Variants in CDH12 observed in about 807,000 individuals in gnomAD.
CDH12 encodes cadherin-12.
Under a neutral mutation model 74.1 loss-of-function variants are expected in CDH12, and 41 were observed. The observed-to-expected ratio is 0.55, with a 90% CI of 0.43 to 0.72. The LOEUF is 0.72. Among genes scored for constraint, CDH12 ranks in the 30% least tolerant of loss-of-function variants. The pLI is 0.00. For missense variants in CDH12, 945 were observed against 977.2 expected, an observed-to-expected ratio of 0.97 and a Z score of 0.44; for synonymous variants, 399 against 355.0, an observed-to-expected ratio of 1.12 and a Z score of -1.39.
intron 3 of CDH12, among the ~76,000 whole-genome samples, chr5:22,292,007 C>A (rs1387309465): frequency 6.6e-6 from 1 of 152,036 alleles, no homozygotes; most frequent in Non-Finnish European, 1.5e-5. Flanking sequence ...TAAAAAGAGA[C>A]TCAAAAACTA....
At chr5:22,031,928 C>T (rs961452055) in intron 5 of CDH12, among the ~76,000 whole-genome samples, 1 of 151,822 alleles carries the variant, frequency 6.6e-6, no homozygotes, top group Non-Finnish European at 1.5e-5. Flanking sequence ...GTGACACAAA[C>T]ACACAAAGTG....
intron 1 of CDH12, among the ~76,000 whole-genome samples, chr5:22,764,922 T>C (rs1746420447): frequency 6.6e-6 from 1 of 151,974 alleles, no homozygotes; most frequent in African/African-American, 2.4e-5. Flanking sequence ...CGGAATGCAT[T>C]GAGTCCCAGA....
chr5:22,459,676 T>G (rs1745422077), intron 2 of CDH12, among the ~76,000 whole-genome samples: 1 of 152,078 alleles, frequency 6.6e-6, no homozygotes, highest in Non-Finnish European at 1.5e-5. Flanking sequence ...AAGTAATGAA[T>G]TTTGAAAACT....
At chr5:21,764,060 C>T (rs957589825) in intron 12 of CDH12, among the ~76,000 whole-genome samples, 1 of 152,102 alleles carries the variant, frequency 6.6e-6, no homozygotes, top group Non-Finnish European at 1.5e-5. Flanking sequence ...ACTGGGTTTA[C>T]AGTCACAGGT....
At chr5:22,271,133 T>C (rs774457670) in intron 3 of CDH12, among the ~76,000 whole-genome samples, 1 of 152,196 alleles carries the variant, frequency 6.6e-6, no homozygotes, top group Non-Finnish European at 1.5e-5. Context: ...TCTTTCAATA[T>C]TGGAGTCAAT....
At chr5:22,733,758 C>T (rs1744551899) in intron 1 of CDH12, among the ~76,000 whole-genome samples, 1 of 151,856 alleles carries the variant, frequency 6.6e-6, no homozygotes. Flanking sequence ...GGGTTCCTTC[C>T]TGGACAGGGT....
intron 10 of CDH12, among the ~76,000 whole-genome samples, chr5:21,789,851 G>C (rs1746394792): frequency 6.6e-6 from 1 of 152,074 alleles, no homozygotes; most frequent in African/African-American, 2.4e-5. Flanking sequence ...CCTGAGAGCA[G>C]AGACTAGCTT....
intron 1 of CDH12, among the ~76,000 whole-genome samples, chr5:22,605,982 C>T (rs1159343735): frequency 1.3e-5 from 2 of 152,206 alleles, no homozygotes; most frequent in Admixed American, 1.3e-4. Context: ...TGCTGCTGAG[C>T]TGTAGGGCAA....
At chr5:22,428,961 C>T (rs981570715) in intron 2 of CDH12, among the ~76,000 whole-genome samples, 4 of 152,116 alleles carry the variant, frequency 2.6e-5, no homozygotes, top group Non-Finnish European at 2.9e-5. Flanking sequence ...TTTCACATCA[C>T]ATTTTTACTG....
chr5:22,039,474 T>C (rs991309517), intron 5 of CDH12, among the ~76,000 whole-genome samples: 4 of 152,096 alleles, frequency 2.6e-5, no homozygotes, highest in Non-Finnish European at 4.4e-5. Context: ...ACTAAGACCC[T>C]GGCTCCACAG....
At chr5:22,283,265 CACACACACACAT>C (rs1736993059) in intron 3 of CDH12, among the ~76,000 whole-genome samples, 4 of 142,210 alleles carry the variant, frequency 2.8e-5, no homozygotes, top group Non-Finnish European at 1.5e-5. Context: ...CACACACACA[CACACACACACAT>C]ATACACACAT....
chr5:21,899,934 G>T (rs1753305105), intron 6 of CDH12, among the ~76,000 whole-genome samples: 1 of 151,828 alleles, frequency 6.6e-6, no homozygotes, highest in South Asian at 2.1e-4. Flanking sequence ...TAGAAAATGT[G>T]CTTGAAATTT....
At chr5:21,752,754 GAAGA>G (rs1275326573) in intron 14 of CDH12, among the ~76,000 whole-genome samples, 2 of 151,860 alleles carry the variant, frequency 1.3e-5, no homozygotes, top group Non-Finnish European at 2.9e-5. Flanking sequence ...AGGAAGGAAG[GAAGA>G]AAGGAAAGAA....
chr5:22,432,404 G>T lies in CDH12; in HGVS notation c.-427-27053C>A, dbSNP rs1342307650. On this transcript the variant is annotated intron_variant, in intron 2 of 14. Transcript: ENST00000382254. ...GTATCTCTGTCTTTAAGCAATGTAT[G>T]ATTGTATATCTATTGAACTGTTTTA... 3.9e-5 allele frequency among the ~76,000 whole-genome samples: 6 copies of T among 152,034 alleles called. No individual in the cohort carries two copies. In the South Asian group the frequency reaches 1.2e-3, roughly 31 times the overall value.
intron 3 of CDH12, among the ~76,000 whole-genome samples, chr5:22,281,403 G>T (rs138350328): frequency 2.0e-5 from 3 of 151,984 alleles, no homozygotes; most frequent in African/African-American, 4.8e-5. Context: ...ATAAATAAAG[G>T]GTATTCAAAT....
At chr5:22,706,551 C>G (rs1421031578) in intron 1 of CDH12, among the ~76,000 whole-genome samples, 1 of 151,502 alleles carries the variant, frequency 6.6e-6, no homozygotes, top group Non-Finnish European at 1.5e-5. Flanking sequence ...GTTGGCTTTT[C>G]TCTTAAATTC....
intron 1 of CDH12, among the ~76,000 whole-genome samples, chr5:22,671,742 T>G (rs1740908188): frequency 6.6e-6 from 1 of 151,842 alleles, no homozygotes; most frequent in Admixed American, 6.6e-5. Context: ...CATAAAGAGA[T>G]GCTGGGAAAG....
rs189088732 is a variant in CDH12 at position 22,080,286 on chromosome 5, T to A, written c.-186-1424A>T. ...TAATGTAATAAAAACATTTAATGAGTTCTTTATAAATATTGAAATTTAAAC... is the reference window on the plus strand; with the variant it reads ...TAATGTAATAAAAACATTTAATGAGATCTTTATAAATATTGAAATTTAAAC... On this transcript the variant is annotated intron_variant, in intron 4 of 14. Transcript: ENST00000382254. 1.4e-4 allele frequency among the ~76,000 whole-genome samples: 21 copies of A among 152,260 alleles called. No homozygotes were observed. In the East Asian group the frequency reaches 1.9e-3, roughly 14 times the overall value.
chr5:22,222,121 C>T (rs576470604), intron 3 of CDH12, among the ~76,000 whole-genome samples: 1 of 151,808 alleles, frequency 6.6e-6, no homozygotes, highest in Non-Finnish European at 1.5e-5. Flanking sequence ...TGGTATAATG[C>T]CCTATTGAAC....
Sources: allele counts gnomAD v4.1 joint callset (sites outside exome capture counted in the v4.1 genomes callset), GRCh38; gene constraint gnomAD v4.1.1; transcripts MANE v1.5; gene names NCBI Gene and HGNC (gene_info 2026-07-23, HGNC 2026-07-21).